Variants in BCR observed in about 807,000 individuals in gnomAD.
BCR encodes the protein breakpoint cluster region protein.
A neutral mutation model predicts 138.6 loss-of-function variants in BCR; 58 were observed. The observed-to-expected ratio is 0.42, with a 90% CI of 0.34 to 0.52. The LOEUF is 0.52. Among genes scored for constraint, BCR ranks in the 20% least tolerant of loss-of-function variants. BCR has a pLI of 0.06. For missense variants in BCR, 1,599 were observed against 1,727.2 expected (o/e 0.93, Z 1.32); for synonymous variants, 786 against 730.1 (o/e 1.08, Z -1.23).
At chr22:23,211,237 G>C (rs550239523) in intron 1 of BCR, among the ~76,000 whole-genome samples, 1 of 152,040 alleles carries the variant, frequency 6.6e-6, no homozygotes, top group African/African-American at 2.4e-5. Context: ...TTGCTCTGTC[G>C]CCCAGGCTGG....
intron 1 of BCR, among the ~76,000 whole-genome samples, chr22:23,230,736 C>G (rs958246272): frequency 6.6e-6 from 1 of 152,238 alleles, no homozygotes; most frequent in African/African-American, 2.4e-5. Flanking sequence ...AGAAAGCCTT[C>G]AGGCCACTGG....
intron 16 of BCR, among the ~76,000 whole-genome samples, chr22:23,295,584 ATCTGTGG>A (rs1437552220): frequency 6.6e-6 from 1 of 152,038 alleles, no homozygotes; most frequent in African/African-American, 2.4e-5. Context: ...GGCATCCCCT[ATCTGTGG>A]TCTAGACCCA....
rs561804609 is a variant in BCR, at chr22:23,183,940, A to G, written c.1279+1701A>G. 4.6e-5 allele frequency among the ~76,000 whole-genome samples: 7 copies of G among 152,332 alleles called. No individual in the cohort carries two copies. In the East Asian group the frequency reaches 1.3e-3, roughly 29 times the overall value. ...GATGGAAAGCCCAGTGCCTTGAGTC[A>G]GACAGGGCAGGTCCTCAGGAAATGG... On this transcript the variant is annotated intron_variant, in intron 1 of 22. Coordinates refer to ENST00000305877, the MANE Select transcript of BCR (RefSeq NM_004327.4).
At chr22:23,192,574 A>G (rs2072429232) in intron 1 of BCR, among the ~76,000 whole-genome samples, 1 of 152,168 alleles carries the variant, frequency 6.6e-6, no homozygotes, top group Non-Finnish European at 1.5e-5. Context: ...GCTGTCTAGG[A>G]ACATGTTTCC....
intron 1 of BCR, among the ~76,000 whole-genome samples, chr22:23,182,474 T>G (rs1050158565): frequency 6.6e-6 from 1 of 152,204 alleles, no homozygotes; most frequent in Non-Finnish European, 1.5e-5. Context: ...TTGTGAGGGA[T>G]GGGAGGTGGT....
intron 1 of BCR, among the ~76,000 whole-genome samples, chr22:23,187,751 C>T (rs2072364653): frequency 6.6e-6 from 1 of 152,144 alleles, no homozygotes; most frequent in South Asian, 2.1e-4. Flanking sequence ...TTAGCATATT[C>T]ATCACCTCAA....
chr22:23,203,517 G>T (rs2072579100), intron 1 of BCR, among the ~76,000 whole-genome samples: 1 of 152,174 alleles, frequency 6.6e-6, no homozygotes, highest in Non-Finnish European at 1.5e-5. Flanking sequence ...AGGAGTCTGT[G>T]CTAGACTGGG....
chr22:23,261,314 G>A, intron 3 of BCR, 41 bp from the exon 4 acceptor site: 1 of 1,584,896 alleles, frequency 6.3e-7, no homozygotes, highest in Non-Finnish European at 8.6e-7. Context: ...ACGGATGGCA[G>A]CCCCTCTCAC....
intron 1 of BCR, among the ~76,000 whole-genome samples, chr22:23,247,663 G>C (rs1454944869): frequency 6.6e-6 from 1 of 152,180 alleles, no homozygotes; most frequent in African/African-American, 2.4e-5. Context: ...ATCTGGCCTG[G>C]GAGAGCCTCT....
At chr22:23,210,358 G>A (rs1194356176) in intron 1 of BCR, among the ~76,000 whole-genome samples, 3 of 151,614 alleles carry the variant, frequency 2.0e-5, no homozygotes, top group African/African-American at 4.9e-5. Context: ...TCGAGGTTGC[G>A]GTGAGCCACA....
At chr22:23,289,231 A>G (rs2073754837) in intron 12 of BCR, among the ~76,000 whole-genome samples, 1 of 152,208 alleles carries the variant, frequency 6.6e-6, no homozygotes, top group Non-Finnish European at 1.5e-5. Context: ...CCAGCCACTC[A>G]TTCTCAGACC....
intron 12 of BCR, 149 bp downstream of exon 12, chr22:23,288,321 C>G: frequency 1.2e-6 from 1 of 825,846 alleles, no homozygotes; most frequent in African/African-American, 1.7e-5. Context: ...AAGAAGTTGG[C>G]GACAGCCATC....
intron 14 of BCR, chr22:23,290,682 C>A: frequency 2.1e-6 from 1 of 479,438 alleles, no homozygotes; most frequent in Non-Finnish European, 3.9e-6. Context: ...CGAGTAATTG[C>A]AGGGGTTTGG....
chr22:23,273,866 G>T, intron 8 of BCR, 92 bp downstream of exon 8: 2 of 1,539,258 alleles, frequency 1.3e-6, no homozygotes, highest in Admixed American at 1.7e-5. Flanking sequence ...GCCCTTCCTG[G>T]TCCTCAGCAG....
chr22:23,230,456 C>T (rs2072944350), intron 1 of BCR, among the ~76,000 whole-genome samples: 1 of 152,236 alleles, frequency 6.6e-6, no homozygotes, highest in East Asian at 1.9e-4. Flanking sequence ...TGCGGCCCCT[C>T]CCAAGACCCC....
chr22:23,303,451 G>T (rs1226948495), intron 16 of BCR, among the ~76,000 whole-genome samples: 2 of 152,000 alleles, frequency 1.3e-5, no homozygotes, highest in South Asian at 2.1e-4. Flanking sequence ...CACCCATTCA[G>T]GGGGGTCTCT....
chr22:23,310,567 C>T lies in BCR; in HGVS notation c.3182+134C>T, dbSNP rs1415072695. 1.5e-5 allele frequency: 9 copies of T among 606,492 alleles called. No individual in the cohort carries two copies. The East Asian group carries it at 1.5e-4, about 10-fold the overall frequency. The allele number at this position is 606,492 out of a possible 1,614,324, so 37.6% of individuals were successfully genotyped here. A position where few individuals can be genotyped will look rare whatever the true frequency, so the allele number is the denominator to read the frequency against. On this transcript the variant is annotated intron_variant, in intron 18 of 22. Coordinates refer to ENST00000305877, the MANE Select transcript of BCR (RefSeq NM_004327.4). ...CGGTGAGGTCAGGCCCCAGGGAACA[C>T]GGCGTCTTCAGCTACCTCCTGTGTT... is the stretch of plus-strand genomic sequence containing the variant.
intron 8 of BCR, among the ~76,000 whole-genome samples, chr22:23,278,683 C>T (rs1213819288): frequency 2.0e-5 from 3 of 152,086 alleles, no homozygotes; most frequent in Non-Finnish European, 4.4e-5. Context: ...GCTGAGATCA[C>T]GCCATTGCAC....
intron 4 of BCR, among the ~76,000 whole-genome samples, chr22:23,268,018 T>C (rs1396590711): frequency 1.3e-5 from 2 of 152,178 alleles, no homozygotes; most frequent in African/African-American, 2.4e-5. Flanking sequence ...GTGACCTCTG[T>C]GTCCAGGGTA....
Sources: allele counts gnomAD v4.1 joint callset (sites outside exome capture counted in the v4.1 genomes callset), GRCh38; gene constraint gnomAD v4.1.1; transcripts MANE v1.5; gene names NCBI Gene and HGNC (gene_info 2026-07-23, HGNC 2026-07-21).